The following ELFN2 variants were observed in gnomAD, a reference collection of about 807,000 sequenced individuals.
The protein encoded by ELFN2 is extracellular leucine rich repeat and fibronectin type III domain containing 2.
A neutral mutation model predicts 45.5 loss-of-function variants in ELFN2; 17 were observed. The ratio of observed to expected loss-of-function variants is 0.37; its 90% confidence interval spans 0.26 to 0.56. The LOEUF (loss-of-function observed/expected upper bound fraction) is 0.56, where lower values mean the gene tolerates loss of function less well. ELFN2 is among the 20% of genes least tolerant of loss of function. The pLI, the probability that ELFN2 is intolerant of heterozygous loss-of-function variation, is 0.77. For synonymous variants in ELFN2, 550 were observed against 551.5 expected (o/e 1.00, Z 0.04); for missense variants, 922 against 1,183.2 (o/e 0.78, Z 3.24).
intron 2 of ELFN2, among the ~76,000 whole-genome samples, chr22:37,383,595 G>A (rs1053222190): frequency 3.9e-5 from 6 of 152,246 alleles, no homozygotes; most frequent in African/African-American, 1.4e-4. Context: ...ACCGGGCCCA[G>A]GCTAGGGGCC....
intron 2 of ELFN2, among the ~76,000 whole-genome samples, chr22:37,342,155 G>A (rs1930573296): frequency 6.6e-6 from 1 of 152,172 alleles, no homozygotes; most frequent in African/African-American, 2.4e-5. Flanking sequence ...TGGAGACCGA[G>A]CAAGTCTTCC....
In ELFN2 at chr22:37,398,450, G is replaced by C. The variant is rs111717346; in HGVS notation, c.-463+19319C>G. On this transcript the variant is annotated intron_variant, in intron 2 of 2. Transcript: ENST00000402918. ...TACCTCTTCCACTGAGCCGCCCTGG[G>C]CTCCACCACCCCACTCCTGTCCGGC... Among the ~76,000 whole-genome samples the C allele has an allele frequency of 1.7e-3, 259 of 151,908 alleles. 2 individuals carry two copies. The highest frequency in any genetic ancestry group is 6.1e-3 in the African/African-American group (253 of 41,402).
intron 2 of ELFN2, among the ~76,000 whole-genome samples, chr22:37,376,816 A>G (rs1217811568): frequency 1.3e-5 from 2 of 152,202 alleles, no homozygotes; most frequent in Non-Finnish European, 2.9e-5. Context: ...GAGCACCTTG[A>G]TCCTTGGGAG....
intron 2 of ELFN2, among the ~76,000 whole-genome samples, chr22:37,378,979 A>C (rs1931666654): frequency 6.6e-6 from 1 of 152,142 alleles, no homozygotes; most frequent in Non-Finnish European, 1.5e-5. Context: ...CCCTACTCCC[A>C]TGAGGGTGGT....
chr22:37,357,238 G>A (rs1930974176), intron 1 of ELFN2, among the ~76,000 whole-genome samples: 1 of 152,184 alleles, frequency 6.6e-6, no homozygotes, highest in Non-Finnish European at 1.5e-5. Flanking sequence ...ACGGTTCCTG[G>A]AATCTGCTAC....
intron 2 of ELFN2, among the ~76,000 whole-genome samples, chr22:37,412,009 C>A (rs1932660041): frequency 6.6e-6 from 1 of 151,950 alleles, no homozygotes; most frequent in African/African-American, 2.4e-5. Flanking sequence ...CTTGGAACCT[C>A]CGCTCAGAGG....
intron 2 of ELFN2, among the ~76,000 whole-genome samples, chr22:37,342,085 G>T (rs1569122732): frequency 1.3e-5 from 2 of 152,032 alleles, no homozygotes; most frequent in African/African-American, 2.4e-5. Context: ...CCCAACAACC[G>T]CCACACCTCC....
intron 1 of ELFN2, among the ~76,000 whole-genome samples, chr22:37,423,454 A>G (rs1007836019): frequency 6.6e-6 from 1 of 152,184 alleles, no homozygotes; most frequent in African/African-American, 2.4e-5. Context: ...TCAGCAGCCA[A>G]TGGTGCTGAT....
intron 2 of ELFN2, among the ~76,000 whole-genome samples, chr22:37,377,871 C>T (rs138492648): frequency 7.9e-5 from 12 of 152,314 alleles, no homozygotes; most frequent in Non-Finnish European, 1.5e-4. Context: ...CCGTCCAGCA[C>T]GGCCACTGGC....
chr22:37,391,235 A>G (rs1488780010), intron 2 of ELFN2, among the ~76,000 whole-genome samples: 5 of 152,202 alleles, frequency 3.3e-5, no homozygotes, highest in African/African-American at 9.6e-5. Flanking sequence ...CCCAGGTCGC[A>G]TGACAGGGAC....
At chr22:37,397,155 C>A (rs190134496) in intron 2 of ELFN2, among the ~76,000 whole-genome samples, 163 of 152,256 alleles carry the variant, frequency 1.1e-3, no homozygotes, top group Admixed American at 2.2e-3. Flanking sequence ...TTCACCACTC[C>A]ACTCCACAGC....
chr22:37,418,778 T>C (rs576281265), intron 1 of ELFN2: 6 of 152,510 alleles, frequency 3.9e-5, no homozygotes, highest in Admixed American at 1.3e-4. Flanking sequence ...CCTTCCCCTA[T>C]GTGCTCAGCC....
downstream of ELFN2, among the ~76,000 whole-genome samples, chr22:37,363,041 C>T (rs1447027997): frequency 2.6e-5 from 4 of 152,184 alleles, no homozygotes. Context: ...CCGATTCATT[C>T]CCTCAGCAGC....
At chr22:37,349,167 G>T (rs1263494861) in intron 1 of ELFN2, among the ~76,000 whole-genome samples, 13 of 151,200 alleles carry the variant, frequency 8.6e-5, no homozygotes, top group African/African-American at 2.9e-4. Context: ...GCCAAGCCCC[G>T]GCACCAGGAG....
At chr22:37,404,392 GGA>G (rs1932444309) in intron 2 of ELFN2, among the ~76,000 whole-genome samples, 1 of 152,114 alleles carries the variant, frequency 6.6e-6, no homozygotes, top group South Asian at 2.1e-4. Flanking sequence ...CGGGCAGGAT[GGA>G]GAGAGAGACC....
intron 1 of ELFN2, among the ~76,000 whole-genome samples, chr22:37,418,144 T>G (rs1932780525): frequency 6.7e-6 from 1 of 149,928 alleles, no homozygotes; most frequent in Non-Finnish European, 1.5e-5. Context: ...GGAAGAGAGA[T>G]GGAGAAAGAC....
intron 2 of ELFN2, among the ~76,000 whole-genome samples, chr22:37,412,788 C>T (rs1407539405): frequency 6.6e-6 from 1 of 152,234 alleles, no homozygotes; most frequent in East Asian, 1.9e-4. Flanking sequence ...CTGTCTGTCC[C>T]TTCCACAGCC....
Position 37,386,209 on chromosome 22 carries a change from C to T in ELFN2, c.-462-10213G>A, listed in dbSNP as rs142944403. The stretch of plus-strand genomic sequence containing the variant: ...GCCTAGCCTAGGTGCTGTTTCCAAG[C>T]ATGGCCACTGTGGACACCAGGAGAC... On this transcript the variant is annotated intron_variant, in intron 2 of 2. Transcript: ENST00000402918. Among the ~76,000 whole-genome samples, 922 of 152,302 alleles carry T rather than the reference C, an allele frequency of 6.1e-3. 12 individuals carry two copies. Among genetic ancestry groups the T allele is most frequent in the South Asian group, 0.039 (190 of 4,830 alleles).
chr22:37,361,399 G>C (rs1931083880), intron 1 of ELFN2, among the ~76,000 whole-genome samples: 1 of 134,810 alleles, frequency 7.4e-6, no homozygotes, highest in African/African-American at 2.9e-5. Flanking sequence ...CCCACCCCCA[G>C]GAGAAGTTCC....
Sources: allele counts gnomAD v4.1 joint callset (sites outside exome capture counted in the v4.1 genomes callset), GRCh38; gene constraint gnomAD v4.1.1; transcripts MANE v1.5; gene names NCBI Gene and HGNC (gene_info 2026-07-23, HGNC 2026-07-21).